AGO1: variants seen among roughly 807,000 people sequenced by gnomAD.
AGO1 encodes argonaute RISC component 1.
A neutral mutation model predicts 109.2 loss-of-function variants in AGO1; 11 were observed. The observed-to-expected ratio is 0.10, with a 90% CI of 0.06 to 0.17. The LOEUF is 0.17. Ranked by LOEUF, AGO1 falls within the 10% of genes least tolerant of loss-of-function variation. AGO1 has a pLI of 1.00. For synonymous variants in AGO1, 422 were observed against 418.6 expected, an observed-to-expected ratio of 1.01 and a Z score of -0.10; for missense variants, 574 against 1,140.3, an observed-to-expected ratio of 0.50 and a Z score of 7.15.
intron 11 of AGO1, among the ~76,000 whole-genome samples, chr1:35,903,016 TTTTTTTTAA>T (rs1222903921): frequency 4.0e-5 from 6 of 150,296 alleles, no homozygotes; most frequent in Admixed American, 4.0e-4. Context: ...TTTTTTTTTT[TTTTTTTTAA>T]GACAGAGTCT....
Position 35,893,445 on chromosome 1 carries a change from C to A in AGO1, c.512+167C>A. ...GTATTTATATTTAGATGGTTTAAAG[C>A]CCTGGCCCTGAACTTCTTAGATATC... is the stretch of plus-strand genomic sequence containing the variant. On this transcript the variant is annotated intron_variant, in intron 4 of 18. Transcript: ENST00000373204. The surrounding 1 kb of genome is among the most constrained non-coding windows in gnomAD (Gnocchi z 5.6). 1.2e-6 allele frequency: 1 copy of A among 846,798 alleles called. No individual in the cohort carries two copies. Among genetic ancestry groups the A allele is most frequent in the Non-Finnish European group, 1.8e-6 (1 of 562,376 alleles). The allele number at this position is 846,798 out of a possible 1,614,324, so 52.5% of individuals were successfully genotyped here.
At position 35,888,478 on chromosome 1, in the gene AGO1, G is replaced by A. The variant is rs1389168609; in HGVS notation, c.77G>A (p.Arg26Gln). The change falls in exon 2 of 19, where the codon CGG becomes CAG. Residue 26 changes from arginine (R) to glutamine (Q), a missense_variant. By Grantham distance (43) the Arg-to-Gln change is conservative. Coordinates refer to ENST00000373204, the MANE Select transcript of AGO1 (RefSeq NM_012199.5). This position sits in a 1 kb window ranked among gnomAD's most constrained non-coding sequence, Gnocchi z 4.1. ...PLQQVFQAPR[R>Q]PGIGTVGKPI... The stretch of plus-strand genomic sequence containing the variant: ...CAGCAGGTGTTCCAGGCACCTCGCC[G>A]GCCTGGCATTGGCACTGTGGGGAAA... The A allele has an allele frequency of 6.2e-7, 1 of 1,614,200 alleles. No individual in the cohort carries two copies. The highest frequency in any genetic ancestry group is 8.5e-7 in the Non-Finnish European group (1 of 1,180,038).
chr1:35,884,879 T>A (rs1645093986), intron 1 of AGO1, among the ~76,000 whole-genome samples: 1 of 152,176 alleles, frequency 6.6e-6, no homozygotes, highest in Non-Finnish European at 1.5e-5. Flanking sequence ...CTTCAGGTCA[T>A]CTCTCACCAC....
intron 2 of AGO1, among the ~76,000 whole-genome samples, chr1:35,891,205 T>C (rs1205502950): frequency 6.6e-6 from 1 of 152,236 alleles, no homozygotes; most frequent in Non-Finnish European, 1.5e-5. Context: ...ATGATCACAG[T>C]GCTTCTAATG....
Position 35,893,363 on chromosome 1 carries a change from C to A in AGO1, c.512+85C>A. The A allele has an allele frequency of 1.4e-6, 2 of 1,437,182 alleles. No homozygotes were observed. Among genetic ancestry groups the A allele is most frequent in the South Asian group, 1.3e-5 (1 of 75,118 alleles). 89.0% of individuals were successfully genotyped at this position (1,437,182 alleles called of 1,614,324 possible). On this transcript the variant is annotated intron_variant, in intron 4 of 18. Transcript: ENST00000373204. The surrounding 1 kb of genome is among the most constrained non-coding windows in gnomAD (Gnocchi z 5.6). The stretch of plus-strand genomic sequence containing the variant: ...AGGGGGAGCACATATTAAGGTCCCA[C>A]AGAGTGCCATTAAAAAAAAAAATTA...
intron 12 of AGO1, among the ~76,000 whole-genome samples, chr1:35,908,762 C>T (rs1399807201): frequency 6.6e-6 from 1 of 151,452 alleles, no homozygotes; most frequent in African/African-American, 2.4e-5. Flanking sequence ...AAATTTTTCT[C>T]AAGATAATAT....
At position 35,901,989 on chromosome 1, in the gene AGO1, A is replaced by G. The variant is rs1002104589; in HGVS notation, c.1182A>G (p.Glu394=). Residue 394 remains glutamate, a synonymous_variant, in exon 10 of 19, where the codon GAA becomes GAG. Transcript: ENST00000373204. This position sits in a 1 kb window ranked among gnomAD's most constrained non-coding sequence, Gnocchi z 4.8. ...ACAACTTAGATCCCTACATCCAGGA[A>G]TTTGGGATCAAAGTGAAGGATGACA... ...ASYNLDPYIQ[E]FGIKVKDDMT... 1.2e-6 allele frequency: 2 copies of G among 1,610,722 alleles called. No individual in the cohort carries two copies. The highest frequency in any genetic ancestry group is 3.4e-5 in the Admixed American group (2 of 59,196).
At chr1:35,916,804 G>A (rs1190463402) in intron 15 of AGO1, among the ~76,000 whole-genome samples, 3 of 152,200 alleles carry the variant, frequency 2.0e-5, no homozygotes, top group African/African-American at 7.2e-5. Flanking sequence ...AAAGCAATCA[G>A]TAGTTATTAA....
In AGO1 at chr1:35,901,080, A is replaced by G. The variant is rs1645407458; in HGVS notation, c.1021-394A>G. Among the ~76,000 whole-genome samples the G allele has an allele frequency of 6.6e-6, 1 of 150,678 alleles. No homozygotes were observed. The highest frequency in any genetic ancestry group is 2.4e-5 in the African/African-American group (1 of 40,898). On this transcript the variant is annotated intron_variant, in intron 8 of 18. Transcript: ENST00000373204. The surrounding 1 kb of genome is among the most constrained non-coding windows in gnomAD (Gnocchi z 4.8). Reference sequence around the variant, plus strand: ...CACTGCAACCTCCGCCTCCCGGTTCAAGCGATTCTTGTTCCTCAGCCTCCT... The same window carrying G: ...CACTGCAACCTCCGCCTCCCGGTTCGAGCGATTCTTGTTCCTCAGCCTCCT...
At position 35,919,802 on chromosome 1, in the gene AGO1, G is replaced by A; in HGVS notation, c.*195G>A. 1.7e-6 allele frequency: 1 copy of A among 574,618 alleles called. No homozygotes were observed. The highest frequency in any genetic ancestry group is 3.1e-6 in the Non-Finnish European group (1 of 324,396). 35.6% of individuals were successfully genotyped at this position (574,618 alleles called of 1,614,324 possible). On this transcript the variant is annotated 3_prime_UTR_variant, in exon 19 of 19. Coordinates refer to ENST00000373204, the MANE Select transcript of AGO1 (RefSeq NM_012199.5). The surrounding 1 kb of genome is among the most constrained non-coding windows in gnomAD (Gnocchi z 6.6). ...GACAGACCACCAGCCAGAAATCTCT[G>A]ATATCAACCTCATGTCCCCCACCCC...
rs778368573 is a variant in AGO1, at chr1:35,913,987, A to G, written c.1728A>G (p.Leu576=). Residue 576 remains leucine (L), a synonymous_variant, in exon 13 of 19, where the codon CTA becomes CTG. Transcript: ENST00000373204. ...NVKLGGINNI[L]VPHQRSAVFQ... is the part of the protein sequence containing the mutation. ...AACTTGGTGGCATTAACAACATCCTAGTCCCACACCAGCGGTATGAACTCT... is the reference window on the plus strand; with the variant it reads ...AACTTGGTGGCATTAACAACATCCTGGTCCCACACCAGCGGTATGAACTCT... 6.2e-7 allele frequency: 1 copy of G among 1,614,080 alleles called. No individual in the cohort carries two copies. Among genetic ancestry groups the G allele is most frequent in the South Asian group, 1.1e-5 (1 of 91,080 alleles).
chr1:35,898,196 A>G (rs1645351871), intron 8 of AGO1, among the ~76,000 whole-genome samples: 2 of 152,222 alleles, frequency 1.3e-5, no homozygotes, highest in South Asian at 4.1e-4. Context: ...TTGTGTGAAC[A>G]TAAGTTTTTA....
chr1:35,891,864 C>T (rs1396244363), intron 2 of AGO1, among the ~76,000 whole-genome samples: 6 of 151,434 alleles, frequency 4.0e-5, no homozygotes, highest in African/African-American at 9.7e-5. Flanking sequence ...TGCACCTGGC[C>T]ATCCTTTTTT....
At chr1:35,895,394 TC>T (rs1226901652) in intron 8 of AGO1, 125 bp downstream of exon 8, 30 of 1,094,862 alleles carry the variant, frequency 2.7e-5, no homozygotes, top group Non-Finnish European at 3.6e-5. Flanking sequence ...GAGGTAGTTC[TC>T]CTGTGAAATA....
At chr1:35,886,665 C>G (rs991782008) in intron 1 of AGO1, among the ~76,000 whole-genome samples, 10 of 152,130 alleles carry the variant, frequency 6.6e-5, no homozygotes, top group Non-Finnish European at 1.2e-4. Context: ...CTCTTACTGG[C>G]TACACCCACA....
rs956012589 is a variant in AGO1, at chr1:35,893,339, G to C, written c.512+61G>C. ...TGGCAGAACTGCTGTCAGGGGAGGA[G>C]GGGGAGCACATATTAAGGTCCCACA... On this transcript the variant is annotated intron_variant, in intron 4 of 18. Transcript: ENST00000373204. The surrounding 1 kb of genome is among the most constrained non-coding windows in gnomAD (Gnocchi z 5.6). 1 of 1,546,218 alleles carries C rather than the reference G, an allele frequency of 6.5e-7. No individual in the cohort carries two copies. Among genetic ancestry groups the C allele is most frequent in the East Asian group, 2.3e-5 (1 of 44,050 alleles).
intron 1 of AGO1, among the ~76,000 whole-genome samples, chr1:35,872,710 T>G (rs1557596683): frequency 6.6e-6 from 1 of 152,094 alleles, no homozygotes; most frequent in Non-Finnish European, 1.5e-5. Flanking sequence ...AAGCTAGGAC[T>G]ACAGTGATGT....
At chr1:35,875,090 A>G (rs1644982317) in intron 1 of AGO1, among the ~76,000 whole-genome samples, 1 of 152,238 alleles carries the variant, frequency 6.6e-6, no homozygotes, top group Non-Finnish European at 1.5e-5. Flanking sequence ...ATCTGACTAA[A>G]ATAATTGATG....
At chr1:35,900,509 C>T (rs1200252388) in intron 8 of AGO1, among the ~76,000 whole-genome samples, 1 of 152,088 alleles carries the variant, frequency 6.6e-6, no homozygotes, top group East Asian at 1.9e-4. Context: ...GGGTGGATCA[C>T]CTGAGGTCAG....
Sources: allele counts gnomAD v4.1 joint callset (sites outside exome capture counted in the v4.1 genomes callset), GRCh38; gene constraint gnomAD v4.1.1; non-coding constraint Gnocchi (gnomAD v3.1); transcripts MANE v1.5; gene names NCBI Gene and HGNC (gene_info 2026-07-23, HGNC 2026-07-21).